The following ITPR2 variants were observed in gnomAD, a reference collection of about 807,000 sequenced individuals.
ITPR2 encodes inositol 1,4,5-trisphosphate-gated calcium channel ITPR2.
In ITPR2, 207 loss-of-function variants were observed where a neutral mutation model predicts 317.1. The observed-to-expected ratio is 0.65, with a 90% CI of 0.58 to 0.73. The LOEUF (loss-of-function observed/expected upper bound fraction) is 0.73, where lower values mean the gene tolerates loss of function less well. Ranked by LOEUF, ITPR2 falls within the 30% of genes least tolerant of loss-of-function variation. The probability of loss-of-function intolerance (pLI) is 0.00; values close to 1 mark genes in which losing one functional copy is unlikely to be tolerated. For missense variants in ITPR2, 2,613 were observed against 3,284.0 expected (o/e 0.80, Z 4.99); for synonymous variants, 1,156 against 1,149.1 (o/e 1.01, Z -0.12).
At position 26,832,971 on chromosome 12, in the gene ITPR2, C is replaced by A; in HGVS notation, c.-190G>T. The A allele has an allele frequency of 1.9e-6, 1 of 537,488 alleles. No homozygotes were observed. The highest frequency in any genetic ancestry group is 3.2e-6 in the Non-Finnish European group (1 of 312,328). 33.3% of individuals were successfully genotyped at this position (537,488 alleles called of 1,614,324 possible). On this transcript the variant is annotated 5_prime_UTR_variant, in exon 1 of 57. Transcript: ENST00000381340. Reference sequence around the variant, plus strand: ...TGCGTGCGCGCCGGGGAAGCCAGACCGGGGCCAAGCCGCAGCTGCGGACAC... The same window carrying A: ...TGCGTGCGCGCCGGGGAAGCCAGACAGGGGCCAAGCCGCAGCTGCGGACAC...
At chr12:26,540,035 T>A (rs1326447082) in intron 37 of ITPR2, among the ~76,000 whole-genome samples, 1 of 152,184 alleles carries the variant, frequency 6.6e-6, no homozygotes, top group Non-Finnish European at 1.5e-5. Context: ...AGATCAACAG[T>A]CTCTGCTTTC....
intron 34 of ITPR2, among the ~76,000 whole-genome samples, chr12:26,564,600 T>A (rs1249538852): frequency 3.3e-5 from 5 of 152,190 alleles, no homozygotes; most frequent in Non-Finnish European, 5.9e-5. Context: ...CCAATCCAAT[T>A]CAACTGGTGT....
At chr12:26,506,787 G>A (rs1048027435) in intron 37 of ITPR2, among the ~76,000 whole-genome samples, 4 of 151,998 alleles carry the variant, frequency 2.6e-5, no homozygotes, top group Non-Finnish European at 4.4e-5. Flanking sequence ...TAGGATTTTC[G>A]TATTTTACTA....
chr12:26,700,513 C>A (rs993923751), intron 9 of ITPR2, among the ~76,000 whole-genome samples: 1 of 152,192 alleles, frequency 6.6e-6, no homozygotes, highest in African/African-American at 2.4e-5. Context: ...GTGCTTTATG[C>A]AAAGTCACAC....
At chr12:26,548,311 T>C (rs576222583) in intron 37 of ITPR2, among the ~76,000 whole-genome samples, 1 of 152,200 alleles carries the variant, frequency 6.6e-6, no homozygotes, top group South Asian at 2.1e-4. Context: ...ACATTATAGG[T>C]ACATTGAGTA....
chr12:26,651,461 T>C (rs1474623803), intron 21 of ITPR2, among the ~76,000 whole-genome samples: 2 of 152,262 alleles, frequency 1.3e-5, no homozygotes, highest in Non-Finnish European at 2.9e-5. Flanking sequence ...CTAAGTTCAA[T>C]CAATTTTCAT....
chr12:26,573,476 C>A (rs571309221), intron 34 of ITPR2, among the ~76,000 whole-genome samples: 1 of 151,836 alleles, frequency 6.6e-6, no homozygotes, highest in South Asian at 2.1e-4. Context: ...GGGCAGACAA[C>A]AAAGAAGCAA....
intron 52 of ITPR2, among the ~76,000 whole-genome samples, chr12:26,405,889 T>C (rs1372326927): frequency 1.3e-5 from 2 of 152,120 alleles, no homozygotes; most frequent in Non-Finnish European, 1.5e-5. Flanking sequence ...ACCTGGGAAG[T>C]GCAGGTTGCA....
At chr12:26,465,480 C>T (rs11048539) in intron 45 of ITPR2, among the ~76,000 whole-genome samples, 14,019 of 152,132 alleles carry the variant, frequency 0.092, 1,371 homozygotes, top group African/African-American at 0.23. Context: ...CTATAAAAGA[C>T]AGCAAGTTAT....
At chr12:26,437,862 T>G (rs1941392558) in intron 47 of ITPR2, among the ~76,000 whole-genome samples, 1 of 152,228 alleles carries the variant, frequency 6.6e-6, no homozygotes, top group African/African-American at 2.4e-5. Context: ...AGTGCAGTGT[T>G]GCAACCTCGG....
rs189232080 is a variant in ITPR2 at position 26,616,278 on chromosome 12, C to A, written c.3462+4845G>T. Among the ~76,000 whole-genome samples the A allele has an allele frequency of 2.3e-3, 346 of 152,128 alleles. 1 individual carries two copies. The highest frequency in any genetic ancestry group is 8.0e-3 in the African/African-American group (333 of 41,508). Reference sequence around the variant, plus strand: ...TCAGCCTCCCGAGTAGCTGGGACTACAGGCACCCACCACCACACCCAGCTA... The same window carrying A: ...TCAGCCTCCCGAGTAGCTGGGACTAAAGGCACCCACCACCACACCCAGCTA... On this transcript the variant is annotated intron_variant, in intron 26 of 56. Transcript: ENST00000381340.
intron 49 of ITPR2, chr12:26,421,276 T>C (rs1940882959): frequency 6.6e-6 from 1 of 152,242 alleles, no homozygotes; most frequent in South Asian, 2.1e-4. Context: ...TTTTGGTTTT[T>C]GTTTCATTTT....
intron 37 of ITPR2, among the ~76,000 whole-genome samples, chr12:26,532,612 C>T (rs1047798396): frequency 1.3e-4 from 20 of 151,892 alleles, no homozygotes; most frequent in African/African-American, 4.3e-4. Context: ...GCCCAGCCCC[C>T]GGTAAAAGAC....
rs373141313 is a variant in ITPR2, at chr12:26,657,801, T to C, written c.2098A>G (p.Ser700Gly). Residue 700 changes from serine (S) to glycine (G), a missense_variant, in exon 18 of 57, where the codon AGC becomes GGC. Ser to Gly is a moderately conservative substitution (Grantham distance 56). This residue lies in a region of ITPR2 where 817 missense variants were observed against 897.6 expected (regional missense o/e 0.91). Coordinates refer to ENST00000381340, the MANE Select transcript of ITPR2 (RefSeq NM_002223.4). Reference protein sequence around the residue: ...DEEVWLYWIDSNKEPHGKAIR... With the variant: ...DEEVWLYWIDGNKEPHGKAIR... The stretch of plus-strand genomic sequence containing the variant: ...GCTTTGCCATGAGGTTCCTTGTTGC[T>C]GTCAATCCAATAGAGCCAAACTTCT... 50 of 1,614,090 alleles carry C rather than the reference T, an allele frequency of 3.1e-5. No homozygotes were observed. The highest frequency in any genetic ancestry group is 4.1e-5 in the Non-Finnish European group (48 of 1,180,022).
rs1475733626 is a variant in ITPR2 at position 26,668,690 on chromosome 12, TCAAAATAA to T, written c.1410-2647_1410-2640del. On this transcript the variant is annotated intron_variant, in intron 13 of 56. Coordinates refer to ENST00000381340, the MANE Select transcript of ITPR2 (RefSeq NM_002223.4). Reference sequence around the variant, plus strand: ...ACAAAATCCGAGTAACAAAACAGTTTCAAAATAAGTTTTAAATGAGTGTGTATTCAGTC... The same window carrying T: ...ACAAAATCCGAGTAACAAAACAGTTTGTTTTAAATGAGTGTGTATTCAGTC... Among the ~76,000 whole-genome samples the T allele has an allele frequency of 2.6e-5, 4 of 152,054 alleles. No individual in the cohort carries two copies. In the South Asian group the frequency reaches 8.3e-4, roughly 32 times the overall value.
intron 54 of ITPR2, among the ~76,000 whole-genome samples, chr12:26,391,550 CTTTTCCT>C (rs1565501148): frequency 8.3e-5 from 5 of 59,888 alleles, no homozygotes; most frequent in East Asian, 3.1e-4. Context: ...TCTTCTTCTT[CTTTTCCT>C]TTTTTTTTTT....
rs139118406 is a variant in ITPR2 at position 26,616,433 on chromosome 12, G to A, written c.3462+4690C>T. Among the ~76,000 whole-genome samples the A allele has an allele frequency of 5.2e-3, 792 of 152,040 alleles. 6 individuals are homozygous for A. Among genetic ancestry groups the A allele is most frequent in the African/African-American group, 0.016 (661 of 41,458 alleles). On this transcript the variant is annotated intron_variant, in intron 26 of 56. Coordinates refer to ENST00000381340, the MANE Select transcript of ITPR2 (RefSeq NM_002223.4). Reference sequence around the variant, plus strand: ...ATTACAGGCATGAGCCACCGTGCCCGGCCGCATGTGGAAATTTAAAAACTC... The same window carrying A: ...ATTACAGGCATGAGCCACCGTGCCCAGCCGCATGTGGAAATTTAAAAACTC...
chr12:26,779,248 G>T (rs1300913442), intron 2 of ITPR2, among the ~76,000 whole-genome samples: 1 of 152,186 alleles, frequency 6.6e-6, no homozygotes, highest in Admixed American at 6.5e-5. Context: ...GCCATCTTCT[G>T]CAGATAACTA....
rs368013980 is a variant in ITPR2, at chr12:26,684,548, GTTATA to G, written c.1149-1880_1149-1876del. 1.1e-4 allele frequency among the ~76,000 whole-genome samples: 17 copies of G among 152,266 alleles called. 1 individual carries two copies. In the South Asian group the frequency reaches 1.2e-3, roughly 11 times the overall value. ...TTAATACATAAAAAGTGCTTCAAGA[GTTATA>G]TTATAATAGTAGTTATTAAGCATTA... On this transcript the variant is annotated intron_variant, in intron 11 of 56. Transcript: ENST00000381340.
Sources: gnomAD v4.1 joint callset for allele counts (sites outside exome capture counted in the v4.1 genomes callset) on GRCh38, gnomAD v4.1.1 for gene constraint, gnomAD v4.1.1 regional missense constraint, MANE v1.5 for transcripts, NCBI Gene and HGNC (gene_info 2026-07-23, HGNC 2026-07-21) for gene names.